DNAAF9: variants seen among roughly 807,000 people sequenced by gnomAD.
The protein encoded by DNAAF9 is dynein axonemal assembly factor 9.
DNAAF9 carries 90 observed loss-of-function variants against 167.0 expected under a neutral mutation model. The observed-to-expected ratio is 0.54, with a 90% confidence interval of 0.45 to 0.64. DNAAF9 has a LOEUF of 0.64. DNAAF9 is among the 30% of genes least tolerant of loss of function. DNAAF9 has a pLI of 0.00. For missense variants in DNAAF9, 1,315 were observed against 1,442.2 expected, an observed-to-expected ratio of 0.91 and a Z score of 1.43; for synonymous variants, 491 against 508.8, an observed-to-expected ratio of 0.96 and a Z score of 0.47.
intron 28 of DNAAF9, among the ~76,000 whole-genome samples, chr20:3,281,238 A>G (rs2068759734): frequency 6.6e-6 from 1 of 151,624 alleles, no homozygotes; most frequent in Non-Finnish European, 1.5e-5. Flanking sequence ...CATGTTGGCC[A>G]GGCTGGTCTC....
rs115204666 is a variant in DNAAF9, at chr20:3,352,148, A to G, written c.691-3525T>C. On this transcript the variant is annotated intron_variant, in intron 7 of 36. Transcript: ENST00000252032. The stretch of plus-strand genomic sequence containing the variant: ...CAGAAAACAGAATAAGAATCACTGT[A>G]AACACTTTGGGAAATGTTCTCTCAA... Among the ~76,000 whole-genome samples, 826 of 152,336 alleles carry G rather than the reference A, an allele frequency of 5.4e-3. 2 individuals are homozygous for G. The highest frequency in any genetic ancestry group is 6.8e-3 in the Middle Eastern group (2 of 294).
chr20:3,396,936 C>T (rs908341034), intron 1 of DNAAF9, among the ~76,000 whole-genome samples: 6 of 152,234 alleles, frequency 3.9e-5, no homozygotes, highest in East Asian at 3.9e-4. Context: ...AAAAGTTGAA[C>T]CTGAGAGACC....
intron 4 of DNAAF9, 51 bp downstream of exon 4, chr20:3,376,127 A>C: frequency 3.2e-6 from 5 of 1,538,478 alleles, no homozygotes; most frequent in Non-Finnish European, 4.4e-6. Context: ...ACTTTCCTTA[A>C]AGAGTATTCT....
Position 3,256,081 on chromosome 20 carries a change from C to G in DNAAF9, c.3186G>C (p.Glu1062Asp). 6.2e-7 allele frequency: 1 copy of G among 1,614,184 alleles called. No individual in the cohort carries two copies. The highest frequency in any genetic ancestry group is 2.2e-5 in the East Asian group (1 of 44,892). Reference sequence around the variant, plus strand: ...AGCAGCCGATGAACACAAGGTAGCACTCCTGCTGCCCGCTGCTGTCTTGAG... The same window carrying G: ...AGCAGCCGATGAACACAAGGTAGCAGTCCTGCTGCCCGCTGCTGTCTTGAG... ...SVSQDSSGQQ[E>D]CYLVFIGCSL... is the part of the protein sequence containing the mutation. Residue 1062 changes from glutamate (E) to aspartate (D), a missense_variant, in exon 34 of 37, where the codon GAG becomes GAC. This residue lies in a region of DNAAF9 where 334 missense variants were observed against 429.7 expected (regional missense o/e 0.78). Coordinates refer to ENST00000252032, the MANE Select transcript of DNAAF9 (RefSeq NM_001009984.3).
In DNAAF9 at chr20:3,318,412, G is replaced by A; in HGVS notation, c.1357-12C>T. 1.5e-6 allele frequency: 2 copies of A among 1,361,518 alleles called. No homozygotes were observed. Among genetic ancestry groups the A allele is most frequent in the Non-Finnish European group, 2.1e-6 (2 of 951,878 alleles). The allele number at this position is 1,361,518 out of a possible 1,614,324, so 84.3% of individuals were successfully genotyped here. A position where few individuals can be genotyped will look rare whatever the true frequency, so the allele number is the denominator to read the frequency against. ...ACGGCCATACAAGCCTGCATTGAAT[G>A]AGAAACCAGTTAGATCAGTTACCAG... On this transcript the variant is annotated splice_polypyrimidine_tract_variant and intron_variant, in intron 16 of 36. Coordinates refer to ENST00000252032, the MANE Select transcript of DNAAF9 (RefSeq NM_001009984.3).
intron 6 of DNAAF9, among the ~76,000 whole-genome samples, chr20:3,364,496 C>A (rs1289406713): frequency 6.6e-6 from 1 of 152,128 alleles, no homozygotes; most frequent in Non-Finnish European, 1.5e-5. Context: ...GAGACAAAAT[C>A]CTCCTGAGTG....
At position 3,358,049 on chromosome 20, in the gene DNAAF9, T is replaced by G. The variant is rs151184110; in HGVS notation, c.690+1467A>C. Among the ~76,000 whole-genome samples, 619 of 151,998 alleles carry G rather than the reference T, an allele frequency of 4.1e-3. 8 individuals are homozygous for G. The highest frequency in any genetic ancestry group is 0.014 in the African/African-American group (592 of 41,482). On this transcript the variant is annotated intron_variant, in intron 7 of 36. Coordinates refer to ENST00000252032, the MANE Select transcript of DNAAF9 (RefSeq NM_001009984.3). ...TTAAAATAAATAAATAAAATAAAAT[T>G]TGGGTGTTATATTTTTGTTCTTGAG...
chr20:3,263,104 A>G (rs1387855287), intron 31 of DNAAF9, among the ~76,000 whole-genome samples: 1 of 150,822 alleles, frequency 6.6e-6, no homozygotes, highest in African/African-American at 2.4e-5. Context: ...CCTCCCAAGT[A>G]GCTGGGACTA....
At chr20:3,334,221 G>A (rs1480159900) in intron 10 of DNAAF9, among the ~76,000 whole-genome samples, 3 of 152,126 alleles carry the variant, frequency 2.0e-5, no homozygotes, top group South Asian at 4.1e-4. Context: ...ACTAATCCTC[G>A]CAACCCTAGA....
intron 20 of DNAAF9, among the ~76,000 whole-genome samples, chr20:3,310,247 CAGAG>C (rs749194119): frequency 4.0e-4 from 47 of 118,050 alleles, no homozygotes; most frequent in South Asian, 1.3e-3. Flanking sequence ...GAGAGAGAAA[CAGAG>C]AGAGAGAGAG....
At chr20:3,351,604 C>A (rs867404140) in intron 7 of DNAAF9, among the ~76,000 whole-genome samples, 1 of 151,954 alleles carries the variant, frequency 6.6e-6, no homozygotes, top group East Asian at 1.9e-4. Flanking sequence ...TAAAAGAAAC[C>A]GAAAACACAC....
At position 3,285,849 on chromosome 20, in the gene DNAAF9, G is replaced by A. The variant is rs1354610526; in HGVS notation, c.2486+1783C>T. On this transcript the variant is annotated intron_variant, in intron 27 of 36. Transcript: ENST00000252032. ...ACAAAAATTACTCGGGTGTGGTGGC[G>A]TGTGCCTGCAATCCCAGCTACTTGG... 2.6e-5 allele frequency among the ~76,000 whole-genome samples: 4 copies of A among 151,368 alleles called. 1 individual carries two copies. The highest frequency in any genetic ancestry group is 9.7e-5 in the African/African-American group (4 of 41,250).
intron 3 of DNAAF9, among the ~76,000 whole-genome samples, chr20:3,379,927 G>A (rs951297049): frequency 7.9e-5 from 12 of 152,136 alleles, no homozygotes; most frequent in African/African-American, 2.9e-4. Flanking sequence ...GCATGGTGGT[G>A]CATGCCTGTA....
At chr20:3,327,220 C>T (rs1261733082) in intron 12 of DNAAF9, among the ~76,000 whole-genome samples, 1 of 152,136 alleles carries the variant, frequency 6.6e-6, no homozygotes, top group Non-Finnish European at 1.5e-5. Context: ...CTGGATAATT[C>T]TTTGCTGTGG....
intron 17 of DNAAF9, among the ~76,000 whole-genome samples, chr20:3,317,231 C>A (rs1478411971): frequency 6.6e-6 from 1 of 151,448 alleles, no homozygotes; most frequent in African/African-American, 2.4e-5. Flanking sequence ...GGTGTGGTGG[C>A]GCATCTGTGG....
At chr20:3,392,217 T>G (rs1568646337) in intron 1 of DNAAF9, among the ~76,000 whole-genome samples, 1 of 152,124 alleles carries the variant, frequency 6.6e-6, no homozygotes, top group Non-Finnish European at 1.5e-5. Flanking sequence ...TACCCAGCAA[T>G]GACACTGCCC....
intron 35 of DNAAF9, among the ~76,000 whole-genome samples, chr20:3,254,604 C>T (rs1439257812): frequency 6.6e-6 from 1 of 152,186 alleles, no homozygotes; most frequent in African/African-American, 2.4e-5. Context: ...ATGAAAGGGG[C>T]CTCCTCAAAT....
intron 23 of DNAAF9, 36 bp downstream of exon 23, chr20:3,296,825 A>G: frequency 7.4e-7 from 1 of 1,357,478 alleles, no homozygotes; most frequent in Non-Finnish European, 1.1e-6. Context: ...CACAAAGCCT[A>G]GGGAAGCAAG....
chr20:3,336,284 TG>T (rs1299767293), intron 10 of DNAAF9, among the ~76,000 whole-genome samples: 9 of 135,508 alleles, frequency 6.6e-5, no homozygotes, highest in African/African-American at 8.9e-5. Flanking sequence ...TTGCCAAATT[TG>T]GGGGAATTTC....
Sources: allele counts gnomAD v4.1 joint callset (sites outside exome capture counted in the v4.1 genomes callset), GRCh38; gene constraint gnomAD v4.1.1; regional missense constraint gnomAD v4.1.1; transcripts MANE v1.5; gene names NCBI Gene and HGNC (gene_info 2026-07-23, HGNC 2026-07-21).